SAMTOR: variants seen among roughly 807,000 people sequenced by gnomAD.
SAMTOR encodes the protein S-adenosylmethionine sensor upstream of mTORC1.
chr7:112,921,667 A>C, the SAMTOR span, among the ~76,000 whole-genome samples: 1 of 146,934 alleles, frequency 6.8e-6, no homozygotes, highest in East Asian at 2.0e-4. Context: ...GGCAACCTAC[A>C]AAATGGAAGA....
the SAMTOR span, among the ~76,000 whole-genome samples, chr7:112,929,892 T>A: frequency 6.6e-6 from 1 of 152,084 alleles, no homozygotes; most frequent in South Asian, 2.1e-4. Flanking sequence ...CTCAATAAAT[T>A]TAATTTTTAA....
chr7:112,828,645 TA>T, the SAMTOR span, among the ~76,000 whole-genome samples: 1 of 151,612 alleles, frequency 6.6e-6, no homozygotes, highest in Non-Finnish European at 1.5e-5. Flanking sequence ...GAAACAATGG[TA>T]AATTATCTTT....
chr7:112,905,145 G>A, the SAMTOR span, among the ~76,000 whole-genome samples: 20 of 152,156 alleles, frequency 1.3e-4, no homozygotes, highest in African/African-American at 4.3e-4. Flanking sequence ...ATCCTAAACC[G>A]TTTACTCTGC....
chr7:112,825,298 G>T, the SAMTOR span, among the ~76,000 whole-genome samples: 1 of 152,062 alleles, frequency 6.6e-6, no homozygotes, highest in Non-Finnish European at 1.5e-5. Flanking sequence ...AAATGCTGCG[G>T]TTACAGGTGT....
the SAMTOR span, among the ~76,000 whole-genome samples, chr7:112,912,195 T>C: frequency 6.6e-6 from 1 of 152,026 alleles, no homozygotes; most frequent in African/African-American, 2.4e-5. Context: ...TGTGTGCTAA[T>C]AGATTTAGGG....
At chr7:112,840,179 T>C in the SAMTOR span, among the ~76,000 whole-genome samples, 2 of 151,918 alleles carry the variant, frequency 1.3e-5, no homozygotes, top group South Asian at 2.1e-4. Context: ...TAGGTGAATG[T>C]ATGGTATAGC....
chr7:112,886,070 A>G, the SAMTOR span, among the ~76,000 whole-genome samples: 1 of 152,146 alleles, frequency 6.6e-6, no homozygotes, highest in Non-Finnish European at 1.5e-5. Flanking sequence ...AAGGGGGAAA[A>G]GCCCCTTATA....
the SAMTOR span, among the ~76,000 whole-genome samples, chr7:112,857,139 C>T: frequency 2.2e-5 from 3 of 134,916 alleles, no homozygotes; most frequent in East Asian, 4.2e-4. Flanking sequence ...GGCCGGACTG[C>T]GGACTGCAGT....
At chr7:112,922,897 C>A in the SAMTOR span, among the ~76,000 whole-genome samples, 125 of 142,598 alleles carry the variant, frequency 8.8e-4, 4 homozygotes, top group South Asian at 7.3e-3. Flanking sequence ...CAGCCCCCCC[C>A]CCCCGGGCCA....
chr7:112,917,745 G>A, the SAMTOR span, among the ~76,000 whole-genome samples: 1 of 152,080 alleles, frequency 6.6e-6, no homozygotes, highest in African/African-American at 2.4e-5. Context: ...ATACAGAGAA[G>A]TGCTTAAAGG....
At chr7:112,842,770 T>G in the SAMTOR span, among the ~76,000 whole-genome samples, 4 of 151,984 alleles carry the variant, frequency 2.6e-5, no homozygotes, top group African/African-American at 9.7e-5. Context: ...TTAAGTATGC[T>G]AAAGACAATA....
At chr7:112,900,558 C>T in the SAMTOR span, among the ~76,000 whole-genome samples, 1 of 152,102 alleles carries the variant, frequency 6.6e-6, no homozygotes, top group Non-Finnish European at 1.5e-5. Context: ...GAATAATATT[C>T]CATAATACCT....
the SAMTOR span, among the ~76,000 whole-genome samples, chr7:112,856,716 AACT>A: frequency 1.3e-5 from 2 of 152,156 alleles, no homozygotes; most frequent in African/African-American, 4.8e-5. Context: ...TGTACAAGAA[AACT>A]ACGTGATGTA....
At chr7:112,847,941 C>G in the SAMTOR span, among the ~76,000 whole-genome samples, 1 of 152,064 alleles carries the variant, frequency 6.6e-6, no homozygotes, top group Non-Finnish European at 1.5e-5. Context: ...AAGTTCAAGA[C>G]CAGCACAGAC....
the SAMTOR span, among the ~76,000 whole-genome samples, chr7:112,830,112 A>T: frequency 1.3e-5 from 2 of 151,962 alleles, no homozygotes; most frequent in Admixed American, 1.3e-4. Context: ...CAACTCACAG[A>T]ATCACCTGAA....
the SAMTOR span, among the ~76,000 whole-genome samples, chr7:112,934,114 T>C: frequency 6.6e-6 from 1 of 152,202 alleles, no homozygotes; most frequent in Non-Finnish European, 1.5e-5. Context: ...TGGCGGCAGA[T>C]ACAGTTCTAC....
the SAMTOR span, among the ~76,000 whole-genome samples, chr7:112,875,527 C>G: frequency 6.6e-6 from 1 of 152,170 alleles, no homozygotes; most frequent in South Asian, 2.1e-4. Context: ...ATATTTTTCA[C>G]TATAGATTTA....
At chr7:112,913,415 A>G in the SAMTOR span, among the ~76,000 whole-genome samples, 3 of 152,172 alleles carry the variant, frequency 2.0e-5, no homozygotes, top group Non-Finnish European at 4.4e-5. Flanking sequence ...CTCATTCACC[A>G]ACTGTTTAAC....
chr7:112,836,895 A>G, the SAMTOR span, among the ~76,000 whole-genome samples: 2 of 151,700 alleles, frequency 1.3e-5, no homozygotes, highest in African/African-American at 4.8e-5. Context: ...CAGCTTTGTT[A>G]TTTTTGCTTA....
Sources: gnomAD v4.1 joint callset for allele counts (sites outside exome capture counted in the v4.1 genomes callset) on GRCh38, gnomAD v4.1.1 for gene constraint, MANE v1.5 for transcripts, NCBI Gene and HGNC (gene_info 2026-07-23, HGNC 2026-07-21) for gene names.